The following WDFY3 variants were observed in gnomAD, a reference collection of about 807,000 sequenced individuals.
WDFY3 encodes the protein WD repeat and FYVE domain containing 3.
WDFY3 carries 66 observed loss-of-function variants against 409.6 expected under a neutral mutation model. The ratio of observed to expected loss-of-function variants is 0.16; its 90% CI spans 0.13 to 0.20. The LOEUF (loss-of-function observed/expected upper bound fraction) is 0.20, where lower values mean the gene tolerates loss of function less well. Ranked by LOEUF, WDFY3 falls within the 10% of genes least tolerant of loss-of-function variation. The probability of loss-of-function intolerance (pLI) is 1.00; values close to 1 mark genes in which losing one functional copy is unlikely to be tolerated. For synonymous variants in WDFY3, 1,521 were observed against 1,537.1 expected (o/e 0.99, Z 0.25); for missense variants, 3,031 against 4,298.1 (o/e 0.71, Z 8.24).
At chr4:84,896,129 G>A (rs1765596382) in intron 3 of WDFY3, among the ~76,000 whole-genome samples, 1 of 151,926 alleles carries the variant, frequency 6.6e-6, no homozygotes, top group South Asian at 2.1e-4. Context: ...GGTGGTGGGT[G>A]CCTGTAATCC....
At chr4:84,819,159 T>G (rs546607260) in intron 12 of WDFY3, among the ~76,000 whole-genome samples, 1 of 152,188 alleles carries the variant, frequency 6.6e-6, no homozygotes, top group Admixed American at 6.5e-5. Context: ...CTTCTATAAT[T>G]ATGTGTCTAC....
intron 2 of WDFY3, among the ~76,000 whole-genome samples, chr4:84,929,995 A>T (rs546691804): frequency 8.5e-5 from 13 of 152,126 alleles, no homozygotes; most frequent in Non-Finnish European, 1.8e-4. Context: ...GCCACCTAAA[A>T]GCCAAGAAAA....
intron 7 of WDFY3, among the ~76,000 whole-genome samples, 155 bp from the exon 8 acceptor site, chr4:84,831,760 A>C (rs1260632945): frequency 6.6e-6 from 1 of 152,236 alleles, no homozygotes; most frequent in Non-Finnish European, 1.5e-5. Context: ...ACTAATCATC[A>C]GGGAAATGAA....
rs1417876819 is a variant in WDFY3 at position 84,873,763 on chromosome 4, GT to G, written c.-31-13142del. 4.2e-4 allele frequency among the ~76,000 whole-genome samples: 64 copies of G among 151,192 alleles called. 1 individual carries two copies. Among genetic ancestry groups the G allele is most frequent in the Non-Finnish European group, 1.5e-5 (1 of 67,894 alleles). ...CTAACATATGACTGGTGTCTTGTTCGTTTTTTTGTGTTTTTTTTTTGTTTGT... is the reference window on the plus strand; with the variant it reads ...CTAACATATGACTGGTGTCTTGTTCGTTTTTTGTGTTTTTTTTTTGTTTGT... On this transcript the variant is annotated intron_variant, in intron 3 of 67. Transcript: ENST00000295888.
chr4:84,801,816 C>T lies in WDFY3; in HGVS notation c.2656G>A (p.Val886Met). 1.2e-6 allele frequency: 2 copies of T among 1,614,080 alleles called. No homozygotes were observed. The highest frequency in any genetic ancestry group is 1.3e-5 in the African/African-American group (1 of 75,010). ...ACTTGCTGGTTCCTTTCTGTGTGCA[C>T]CAGGGATTGTAAAATATTTGCCACG... ...LAVANILQSLVHTERNQQVMC... is the reference protein window; with the variant it reads ...LAVANILQSLMHTERNQQVMC... Residue 886 changes from valine (V) to methionine (M), a missense_variant, in exon 17 of 68, where the codon GTG becomes ATG. Around this residue, in one of 16 missense-constraint regions of WDFY3, gnomAD observed 1,322 missense variants for 1,697.9 expected, o/e 0.78. Transcript: ENST00000295888.
Position 84,678,248 on chromosome 4 carries a change from C to A in WDFY3, c.10179G>T (p.Arg3393Ser), listed in dbSNP as rs767365646. The A allele has an allele frequency of 6.2e-7, 1 of 1,614,060 alleles. No homozygotes were observed. The highest frequency in any genetic ancestry group is 1.1e-5 in the South Asian group (1 of 91,084). ...AGGCTGTGTGCATAGTCAGCTTACTCCTGAACACCAGCTGCCGTTCCCATC... is the reference window on the plus strand; with the variant it reads ...AGGCTGTGTGCATAGTCAGCTTACTACTGAACACCAGCTGCCGTTCCCATC... ...GYRWERQLVFRSKLTMHTAFD... is the reference protein window; with the variant it reads ...GYRWERQLVFSSKLTMHTAFD... Residue 3393 changes from arginine (R) to serine (S), a missense_variant, in exon 66 of 68, where the codon AGG becomes AGT. By Grantham distance (110) the Arg-to-Ser change is moderately radical. This residue lies in a region of WDFY3 where 378 missense variants were observed against 477.3 expected (regional missense o/e 0.79). Transcript: ENST00000295888.
intron 46 of WDFY3, among the ~76,000 whole-genome samples, chr4:84,722,666 C>T (rs565436370): frequency 9.9e-5 from 15 of 152,252 alleles, no homozygotes; most frequent in South Asian, 2.1e-4. Flanking sequence ...AGTGAGGACC[C>T]AAAGTATGAG....
At chr4:84,951,540 C>T (rs570272728) in intron 1 of WDFY3, among the ~76,000 whole-genome samples, 2 of 152,160 alleles carry the variant, frequency 1.3e-5, no homozygotes, top group African/African-American at 4.8e-5. Flanking sequence ...CTTACTTCTG[C>T]TACTTAGAAG....
At chr4:84,838,886 A>G (rs1360216646) in intron 6 of WDFY3, among the ~76,000 whole-genome samples, 2 of 152,194 alleles carry the variant, frequency 1.3e-5, no homozygotes, top group African/African-American at 4.8e-5. Context: ...ATTAAATATT[A>G]TGGTACTATC....
chr4:84,946,658 A>G (rs1317065142), intron 1 of WDFY3, among the ~76,000 whole-genome samples: 2 of 152,152 alleles, frequency 1.3e-5, no homozygotes, highest in Admixed American at 6.5e-5. Context: ...GACACCTAGG[A>G]GGGCTGCCCA....
intron 56 of WDFY3, among the ~76,000 whole-genome samples, chr4:84,699,885 G>C (rs1290414847): frequency 6.6e-6 from 1 of 151,552 alleles, no homozygotes; most frequent in Admixed American, 6.6e-5. Flanking sequence ...CAAGCCCTTT[G>C]CCCATTTTCC....
intron 60 of WDFY3, 36 bp downstream of exon 60, chr4:84,691,595 G>A: frequency 6.2e-7 from 1 of 1,604,784 alleles, no homozygotes; most frequent in Non-Finnish European, 8.5e-7. Flanking sequence ...CCACAAAAGA[G>A]CAATATTAAA....
chr4:84,820,977 A>G (rs1753970277), intron 11 of WDFY3, 107 bp downstream of exon 11: 1 of 1,118,028 alleles, frequency 8.9e-7, no homozygotes, highest in South Asian at 1.7e-5. Context: ...AATAATGCAC[A>G]TTAGGAAGTC....
At chr4:84,753,302 C>T (rs1740858477) in intron 35 of WDFY3, among the ~76,000 whole-genome samples, 1 of 152,168 alleles carries the variant, frequency 6.6e-6, no homozygotes, top group East Asian at 1.9e-4. Context: ...TTAAATCCAG[C>T]AAATACCTAC....
chr4:84,938,513 T>A (rs1345299588), intron 1 of WDFY3, among the ~76,000 whole-genome samples: 1 of 152,168 alleles, frequency 6.6e-6, no homozygotes, highest in East Asian at 1.9e-4. Context: ...TATTTAACAA[T>A]GGTTGGCATG....
In WDFY3 at chr4:84,765,814, T is replaced by C; in HGVS notation, c.5184A>G (p.Val1728=). The change falls in exon 32 of 68, where the codon GTA becomes GTG. Residue 1728 remains valine (V), a synonymous_variant. Coordinates refer to ENST00000295888, the MANE Select transcript of WDFY3 (RefSeq NM_014991.6). ...DSVLTNKIGT[V]LGFNVGRSAG... ...CTGACTAGAAAAGTCCCATACCTAA[T>C]ACAGTTCCAATCTTATTAGTTAAGA... 5.0e-6 allele frequency: 8 copies of C among 1,613,616 alleles called. No homozygotes were observed. Among genetic ancestry groups the C allele is most frequent in the Non-Finnish European group, 6.8e-6 (8 of 1,179,774 alleles).
At chr4:84,938,034 G>A (rs1771651897) in intron 1 of WDFY3, among the ~76,000 whole-genome samples, 1 of 152,036 alleles carries the variant, frequency 6.6e-6, no homozygotes, top group Admixed American at 6.6e-5. Context: ...AGGGTTATTT[G>A]GATATAAGCA....
intron 7 of WDFY3, 83 bp from the exon 8 acceptor site, chr4:84,831,688 G>A: frequency 7.9e-7 from 1 of 1,263,588 alleles, no homozygotes; most frequent in Non-Finnish European, 1.1e-6. Flanking sequence ...TGAGCTGAAT[G>A]GACTGCTCTC....
chr4:84,715,567 G>A (rs971887873), intron 49 of WDFY3, among the ~76,000 whole-genome samples, 184 bp from the exon 50 acceptor site: 3 of 152,064 alleles, frequency 2.0e-5, no homozygotes, highest in Non-Finnish European at 2.9e-5. Flanking sequence ...AAGGTCAGGA[G>A]ATCGAGACCA....
Sources: gnomAD v4.1 joint callset for allele counts (sites outside exome capture counted in the v4.1 genomes callset) on GRCh38, gnomAD v4.1.1 for gene constraint, gnomAD v4.1.1 regional missense constraint, MANE v1.5 for transcripts, NCBI Gene and HGNC (gene_info 2026-07-23, HGNC 2026-07-21) for gene names.